VPS37C: variants seen among roughly 807,000 people sequenced by gnomAD.
VPS37C encodes VPS37C subunit of ESCRT-I.
A neutral mutation model predicts 16.1 loss-of-function variants in VPS37C; 9 were observed. The ratio of observed to expected loss-of-function variants is 0.56; its 90% CI spans 0.34 to 0.97. VPS37C has a LOEUF of 0.97. Among genes scored for constraint, VPS37C ranks in the 50% least tolerant of loss-of-function variants. The pLI, the probability that VPS37C is intolerant of heterozygous loss-of-function variation, is 0.02. For missense variants in VPS37C, 479 were observed against 472.7 expected (o/e 1.01, Z -0.12); for synonymous variants, 207 against 206.4 (o/e 1.00, Z -0.02).
chr11:61,159,144 A>T (rs1853424145), intron 1 of VPS37C, among the ~76,000 whole-genome samples: 2 of 152,216 alleles, frequency 1.3e-5, no homozygotes, highest in Admixed American at 6.5e-5. Context: ...TAGTTAACCC[A>T]AAGGCTTTTT....
chr11:61,149,044 G>A (rs1300421197), intron 1 of VPS37C, among the ~76,000 whole-genome samples: 1 of 152,254 alleles, frequency 6.6e-6, no homozygotes, highest in East Asian at 1.9e-4. Flanking sequence ...CACTTTGGGA[G>A]GCCAAGGCGG....
At chr11:61,160,275 T>A (rs1565198348) in intron 1 of VPS37C, among the ~76,000 whole-genome samples, 1 of 152,218 alleles carries the variant, frequency 6.6e-6, no homozygotes, top group Non-Finnish European at 1.5e-5. Flanking sequence ...TAGCGTCCAG[T>A]ATTTTCATTG....
chr11:61,134,300 A>G, intron 2 of VPS37C, 93 bp from the exon 3 acceptor site: 1 of 1,413,432 alleles, frequency 7.1e-7, no homozygotes, highest in Non-Finnish European at 9.6e-7. Context: ...CACATTGCTC[A>G]CCTTGGGGCG....
chr11:61,146,832 C>G (rs1452557832), intron 1 of VPS37C, among the ~76,000 whole-genome samples: 1 of 152,174 alleles, frequency 6.6e-6, no homozygotes, highest in Admixed American at 6.5e-5. Context: ...TTAAAGTTGT[C>G]TCTCTGCAGT....
At chr11:61,133,017 C>T in intron 4 of VPS37C, 2 of 635,030 alleles carry the variant, frequency 3.1e-6, no homozygotes, top group Non-Finnish European at 5.8e-6. Flanking sequence ...GCCCTACCAT[C>T]CAGGGCTGCG....
rs1455683472 is a variant in VPS37C, at chr11:61,132,186, G to A, written c.702C>T (p.Pro234=). 1.3e-6 allele frequency: 2 copies of A among 1,489,978 alleles called. No individual in the cohort carries two copies. The highest frequency in any genetic ancestry group is 1.8e-6 in the Non-Finnish European group (2 of 1,120,392). 92.3% of individuals were successfully genotyped at this position (1,489,978 alleles called of 1,614,324 possible). Residue 234 remains proline (P), a synonymous_variant, in exon 5 of 5, where the codon CCC becomes CCT. Coordinates refer to ENST00000301765, the MANE Select transcript of VPS37C (RefSeq NM_017966.5). The part of the protein sequence containing the change: ...PPAPFPVVSQ[P]SFYSGPLGPT... ...GGCCCAGAGGCCCGCTGTAGAAGGAGGGCTGGGACACTACTGGGAAAGGGG... is the reference window on the plus strand; with the variant it reads ...GGCCCAGAGGCCCGCTGTAGAAGGAAGGCTGGGACACTACTGGGAAAGGGG...
intron 1 of VPS37C, among the ~76,000 whole-genome samples, chr11:61,151,694 C>A (rs186759723): frequency 6.6e-6 from 1 of 152,134 alleles, no homozygotes; most frequent in Non-Finnish European, 1.5e-5. Flanking sequence ...AAGCACTTCC[C>A]GTGTCAACGC....
At chr11:61,148,576 G>A (rs1451908771) in intron 1 of VPS37C, among the ~76,000 whole-genome samples, 4 of 68,200 alleles carry the variant, frequency 5.9e-5, no homozygotes, top group Admixed American at 4.5e-4. Flanking sequence ...CCCACAGGAG[G>A]TTAAAAAAAA....
At chr11:61,147,139 G>A (rs1172310374) in intron 1 of VPS37C, among the ~76,000 whole-genome samples, 1 of 152,294 alleles carries the variant, frequency 6.6e-6, no homozygotes, top group South Asian at 2.1e-4. Flanking sequence ...CTCTATGGGA[G>A]ACAAGTGCAA....
intron 2 of VPS37C, among the ~76,000 whole-genome samples, chr11:61,136,712 G>A (rs554326225): frequency 5.3e-5 from 8 of 152,320 alleles, no homozygotes; most frequent in Non-Finnish European, 1.0e-4. Context: ...TAAGGAGGAA[G>A]AATCTATACT....
intron 1 of VPS37C, among the ~76,000 whole-genome samples, chr11:61,149,426 A>C (rs1853265241): frequency 6.6e-6 from 1 of 152,144 alleles, no homozygotes; most frequent in Admixed American, 6.5e-5. Context: ...TCATTTGTAA[A>C]ATGGGGCTAA....
intron 2 of VPS37C, among the ~76,000 whole-genome samples, chr11:61,136,579 T>C (rs181066702): frequency 6.7e-6 from 1 of 149,136 alleles, no homozygotes; most frequent in Non-Finnish European, 1.5e-5. Context: ...TATTAGGGGT[T>C]CAGTGTGAAG....
chr11:61,157,150 T>G (rs905330447), intron 1 of VPS37C, among the ~76,000 whole-genome samples: 1 of 152,280 alleles, frequency 6.6e-6, no homozygotes, highest in East Asian at 1.9e-4. Context: ...CCATGGACGC[T>G]TGAATGGCTC....
At chr11:61,135,845 T>TCCA (rs1332058141) in intron 2 of VPS37C, among the ~76,000 whole-genome samples, 7 of 152,198 alleles carry the variant, frequency 4.6e-5, no homozygotes, top group Non-Finnish European at 8.8e-5. Context: ...TCCCTATAGG[T>TCCA]CCACTGCCTT....
At chr11:61,133,084 G>A in intron 4 of VPS37C, 171 bp downstream of exon 4, 3 of 755,078 alleles carry the variant, frequency 4.0e-6, no homozygotes, top group East Asian at 5.4e-5. Context: ...CTGGGTTCCT[G>A]TTATTTATAC....
intron 1 of VPS37C, among the ~76,000 whole-genome samples, chr11:61,148,415 C>A (rs895035768): frequency 1.3e-5 from 2 of 152,164 alleles, no homozygotes; most frequent in Non-Finnish European, 2.9e-5. Flanking sequence ...CCCCATCTTA[C>A]CCCGTATGTC....
At chr11:61,159,832 G>A (rs1853439835) in intron 1 of VPS37C, among the ~76,000 whole-genome samples, 1 of 147,814 alleles carries the variant, frequency 6.8e-6, no homozygotes, top group Non-Finnish European at 1.5e-5. Flanking sequence ...GAACCAGGGG[G>A]CGGAGGTTGC....
Position 61,132,187 on chromosome 11 carries a change from G to A in VPS37C, c.701C>T (p.Pro234Leu). 6.7e-7 allele frequency: 1 copy of A among 1,492,518 alleles called. No homozygotes were observed. Among genetic ancestry groups the A allele is most frequent in the African/African-American group, 1.4e-5 (1 of 71,102 alleles). 92.5% of individuals were successfully genotyped at this position (1,492,518 alleles called of 1,614,324 possible). The change falls in exon 5 of 5, where the codon CCC becomes CTC. Residue 234 changes from proline (P) to leucine (L), a missense_variant. Physicochemically the swap from Pro to Leu is moderately conservative, Grantham distance 98 (BLOSUM62 -3). Coordinates refer to ENST00000301765, the MANE Select transcript of VPS37C (RefSeq NM_017966.5). ...GCCCAGAGGCCCGCTGTAGAAGGAG[G>A]GCTGGGACACTACTGGGAAAGGGGC... ...PPAPFPVVSQ[P>L]SFYSGPLGPT... is the part of the protein sequence containing the mutation.
chr11:61,132,553 G>A lies in VPS37C; in HGVS notation c.349-14C>T, dbSNP rs760295868. Reference sequence around the variant, plus strand: ...CTCAGCCATGGCCTGGAAGACATAAGGTCCAGTGACAACAGGGGCAGCTGG... The same window carrying A: ...CTCAGCCATGGCCTGGAAGACATAAAGTCCAGTGACAACAGGGGCAGCTGG... On this transcript the variant is annotated splice_polypyrimidine_tract_variant and intron_variant, in intron 4 of 4. Coordinates refer to ENST00000301765, the MANE Select transcript of VPS37C (RefSeq NM_017966.5). 3 of 1,566,930 alleles carry A rather than the reference G, an allele frequency of 1.9e-6. No homozygotes were observed. The highest frequency in any genetic ancestry group is 2.6e-6 in the Non-Finnish European group (3 of 1,154,702).
Sources: gnomAD v4.1 joint callset for allele counts (sites outside exome capture counted in the v4.1 genomes callset) on GRCh38, gnomAD v4.1.1 for gene constraint, MANE v1.5 for transcripts, NCBI Gene and HGNC (gene_info 2026-07-23, HGNC 2026-07-21) for gene names.